Variants in NEK6 observed in about 807,000 individuals in gnomAD.
The protein encoded by NEK6 is NIMA related kinase 6.
A neutral mutation model predicts 43.5 loss-of-function variants in NEK6; 27 were observed. The ratio of observed to expected loss-of-function variants is 0.62; its 90% CI spans 0.46 to 0.86. The LOEUF is 0.86. Ranked by LOEUF, NEK6 falls within the 40% of genes least tolerant of loss-of-function variation. The pLI, the probability that NEK6 is intolerant of heterozygous loss-of-function variation, is 0.00. For missense variants in NEK6, 318 were observed against 414.4 expected (o/e 0.77, Z 2.02); for synonymous variants, 167 against 164.1 (o/e 1.02, Z -0.14).
At chr9:124,315,821 C>T (rs1023814907) in intron 4 of NEK6, among the ~76,000 whole-genome samples, 3 of 152,216 alleles carry the variant, frequency 2.0e-5, no homozygotes, top group African/African-American at 7.2e-5. Context: ...GGCACCAAGC[C>T]GGGGTTTCAG....
chr9:124,260,163 C>T (rs1281722909), intron 1 of NEK6, among the ~76,000 whole-genome samples: 1 of 152,138 alleles, frequency 6.6e-6, no homozygotes, highest in African/African-American at 2.4e-5. Flanking sequence ...GTCACCTGCC[C>T]AGCCTCACAG....
intron 1 of NEK6, chr9:124,286,595 G>T (rs1384642565): frequency 6.6e-6 from 1 of 152,314 alleles, no homozygotes; most frequent in Non-Finnish European, 1.5e-5. Context: ...TGTCAAAGGT[G>T]ATTTGAGTCA....
chr9:124,316,500 A>T lies in NEK6; in HGVS notation c.294+2515A>T, dbSNP rs1833824259. On this transcript the variant is annotated intron_variant, in intron 4 of 9. Coordinates refer to ENST00000320246, the MANE Select transcript of NEK6 (RefSeq NM_014397.6). ...CTCCCTTCCCTCTGGCCACCACCAC[A>T]GCCAGACAAAGCCCAACCACATTGC... Among the ~76,000 whole-genome samples, 2 of 152,148 alleles carry T rather than the reference A, an allele frequency of 1.3e-5. 1 individual carries two copies. The highest frequency in any genetic ancestry group is 2.9e-5 in the Non-Finnish European group (2 of 68,018).
At position 124,350,847 on chromosome 9, in the gene NEK6, T is replaced by C; in HGVS notation, c.842T>C (p.Leu281Pro). The C allele has an allele frequency of 6.2e-7, 1 of 1,612,236 alleles. No individual in the cohort carries two copies. Among genetic ancestry groups the C allele is most frequent in the Non-Finnish European group, 8.5e-7 (1 of 1,179,374 alleles). ...GEHYSEKLRE[L>P]VSMCICPDPH... ...TTCTCTCCCCTGCAGTTACGAGAACTGGTCAGCATGTGCATCTGCCCTGAC... is the reference window on the plus strand; with the variant it reads ...TTCTCTCCCCTGCAGTTACGAGAACCGGTCAGCATGTGCATCTGCCCTGAC... Residue 281 changes from leucine (L) to proline (P), a missense_variant, in exon 10 of 10, where the codon CTG (leucine) becomes CCG (proline). By Grantham distance (98) the Leu-to-Pro change is moderately conservative. Around this residue, in one of 2 missense-constraint regions of NEK6, gnomAD observed 79 missense variants for 70.0 expected, o/e 1.13. Transcript: ENST00000320246.
At chr9:124,280,771 G>C (rs773102055) in intron 1 of NEK6, among the ~76,000 whole-genome samples, 1 of 152,148 alleles carries the variant, frequency 6.6e-6, no homozygotes, top group East Asian at 1.9e-4. Flanking sequence ...ATAATTTCAC[G>C]CTTTGCTTTG....
At chr9:124,340,245 C>A (rs1036609834) in intron 8 of NEK6, among the ~76,000 whole-genome samples, 1 of 152,218 alleles carries the variant, frequency 6.6e-6, no homozygotes, top group African/African-American at 2.4e-5. Flanking sequence ...TTTCAGTGAG[C>A]CCAGACGTGA....
rs1268245998 is a variant in NEK6 at position 124,351,105 on chromosome 9, A to C, written c.*158A>C. On this transcript the variant is annotated 3_prime_UTR_variant, in exon 10 of 10. Coordinates refer to ENST00000320246, the MANE Select transcript of NEK6 (RefSeq NM_014397.6). ...CAGCCTTACAGCAGATGCTGAAGGC[A>C]GAGCAGCTGAGGGAGGGGCGCTGGC... 8.5e-6 allele frequency: 5 copies of C among 585,864 alleles called. No homozygotes were observed. Among genetic ancestry groups the C allele is most frequent in the Non-Finnish European group, 1.5e-5 (5 of 326,776 alleles). The allele number at this position is 585,864 out of a possible 1,614,324, so 36.3% of individuals were successfully genotyped here. A position where few individuals can be genotyped will look rare whatever the true frequency, so the allele number is the denominator to read the frequency against.
At chr9:124,311,220 C>A (rs1036063730) in intron 2 of NEK6, among the ~76,000 whole-genome samples, 1 of 152,198 alleles carries the variant, frequency 6.6e-6, no homozygotes, top group Admixed American at 6.5e-5. Flanking sequence ...CTCCTAAAGA[C>A]GCCTCGGTAC....
At chr9:124,342,189 G>A (rs1458943257) in intron 8 of NEK6, among the ~76,000 whole-genome samples, 1 of 150,616 alleles carries the variant, frequency 6.6e-6, no homozygotes, top group African/African-American at 2.4e-5. Context: ...TTGCCCTAAG[G>A]TCTGAGGAGG....
chr9:124,296,491 G>T (rs1250390892), intron 1 of NEK6, among the ~76,000 whole-genome samples: 1 of 152,190 alleles, frequency 6.6e-6, no homozygotes, highest in Non-Finnish European at 1.5e-5. Flanking sequence ...CTGCTTCAGT[G>T]GACAGAACGA....
intron 2 of NEK6, among the ~76,000 whole-genome samples, chr9:124,302,829 G>A (rs998263923): frequency 6.6e-6 from 1 of 152,258 alleles, no homozygotes; most frequent in Non-Finnish European, 1.5e-5. Flanking sequence ...TCCTGGGTCT[G>A]CCTCACTTTC....
At chr9:124,342,750 T>C (rs1324363863) in intron 8 of NEK6, among the ~76,000 whole-genome samples, 2 of 152,258 alleles carry the variant, frequency 1.3e-5, no homozygotes, top group Non-Finnish European at 2.9e-5. Context: ...GCTTTTCGTT[T>C]CTTTTTCCAT....
chr9:124,267,273 C>T (rs1831266801), intron 1 of NEK6, among the ~76,000 whole-genome samples: 1 of 152,254 alleles, frequency 6.6e-6, no homozygotes, highest in African/African-American at 2.4e-5. Context: ...AGCGTGGGTG[C>T]CCAGATGGCA....
chr9:124,310,202 C>T (rs1236115260), intron 2 of NEK6, among the ~76,000 whole-genome samples: 2 of 152,250 alleles, frequency 1.3e-5, no homozygotes, highest in South Asian at 2.1e-4. Context: ...ACTGCTACCC[C>T]TCCAAGCCTC....
rs1199388497 is a variant in NEK6, at chr9:124,312,613, G to A, written c.195G>A (p.Leu65=). ...GCGAGGTGTACAAGGCCACCTGCCTGCTGGACAGGAAGACAGTGGCTCTGA... is the reference window on the plus strand; with the variant it reads ...GCGAGGTGTACAAGGCCACCTGCCTACTGGACAGGAAGACAGTGGCTCTGA... ...QFSEVYKATC[L]LDRKTVALKK... The change falls in exon 3 of 10, where the codon CTG becomes CTA. Residue 65 remains leucine (L), a synonymous_variant. Coordinates refer to ENST00000320246, the MANE Select transcript of NEK6 (RefSeq NM_014397.6). The A allele has an allele frequency of 2.2e-5, 36 of 1,613,858 alleles. No homozygotes were observed. The highest frequency in any genetic ancestry group is 2.9e-5 in the Non-Finnish European group (34 of 1,179,864).
At chr9:124,330,825 G>A (rs1390457681) in intron 7 of NEK6, among the ~76,000 whole-genome samples, 1 of 152,130 alleles carries the variant, frequency 6.6e-6, no homozygotes, top group Non-Finnish European at 1.5e-5. Flanking sequence ...GCAGGCGTGG[G>A]GCTCTGTGAT....
chr9:124,273,352 G>A (rs12685858), intron 1 of NEK6, among the ~76,000 whole-genome samples: 5,878 of 152,286 alleles, frequency 0.039, 164 homozygotes, highest in East Asian at 0.1. Context: ...GCTTGATCCC[G>A]AATGGGGGAG....
At chr9:124,341,051 T>TC (rs1829587391) in intron 8 of NEK6, among the ~76,000 whole-genome samples, 1 of 152,168 alleles carries the variant, frequency 6.6e-6, no homozygotes, top group Non-Finnish European at 1.5e-5. Context: ...ATCTTTCTTT[T>TC]GTTTTTTTGA....
At chr9:124,270,072 C>T (rs181172859) in intron 1 of NEK6, among the ~76,000 whole-genome samples, 23 of 152,102 alleles carry the variant, frequency 1.5e-4, no homozygotes, top group Non-Finnish European at 3.1e-4. Flanking sequence ...CTTCCACGCC[C>T]CCCCCCCATG....
Sources: gnomAD v4.1 joint callset for allele counts (sites outside exome capture counted in the v4.1 genomes callset) on GRCh38, gnomAD v4.1.1 for gene constraint, gnomAD v4.1.1 regional missense constraint, MANE v1.5 for transcripts, NCBI Gene and HGNC (gene_info 2026-07-23, HGNC 2026-07-21) for gene names.